The following GBP1 variants were observed in gnomAD, a reference collection of about 807,000 sequenced individuals.
GBP1 encodes the protein guanylate binding protein 1.
GBP1 carries 64 observed loss-of-function variants against 69.5 expected under a neutral mutation model. That is an observed-to-expected ratio of 0.92 (90% CI 0.75 to 1.13). GBP1 has a LOEUF of 1.13. Among genes scored for constraint, GBP1 ranks in the 50% most tolerant of loss-of-function variants. The pLI is 0.00. For synonymous variants in GBP1, 250 were observed against 261.2 expected, an observed-to-expected ratio of 0.96 and a Z score of 0.41; for missense variants, 630 against 704.1, an observed-to-expected ratio of 0.89 and a Z score of 1.19.
In GBP1 at chr1:89,054,781, C is replaced by T. The variant is rs750140182; in HGVS notation, c.1566G>A (p.Arg522=). The change falls in exon 10 of 11, where the codon AGG becomes AGA. Residue 522 remains arginine, a synonymous_variant. Transcript: ENST00000370473. ...GTTGTTTCAAGTGTTCCTGATAACT[C>T]CTCTCCTTCTGTTCCATCATCTGCT... is the stretch of plus-strand genomic sequence containing the variant. ...KNEQMMEQKE[R]SYQEHLKQLT... The T allele has an allele frequency of 1.2e-6, 2 of 1,614,206 alleles. No individual in the cohort carries two copies. The highest frequency in any genetic ancestry group is 2.2e-5 in the East Asian group (1 of 44,884).
At chr1:89,054,076 T>C (rs1348446605) in intron 10 of GBP1, among the ~76,000 whole-genome samples, 1 of 152,252 alleles carries the variant, frequency 6.6e-6, no homozygotes, top group Non-Finnish European at 1.5e-5. Flanking sequence ...AAGGATATAG[T>C]TCTTGCTACA....
At position 89,054,773 on chromosome 1, in the gene GBP1, T is replaced by C; in HGVS notation, c.1574A>G (p.Gln525Arg). Residue 525 changes from glutamine to arginine, a missense_variant, in exon 10 of 11, where the codon CAG (glutamine) becomes CGG (arginine). By Grantham distance (43) the Gln-to-Arg change is conservative (BLOSUM62 1). Transcript: ENST00000370473. ...CTCAGTCAGTTGTTTCAAGTGTTCC[T>C]GATAACTCCTCTCCTTCTGTTCCAT... ...QMMEQKERSY[Q>R]EHLKQLTEKM... is the part of the protein sequence containing the mutation. The C allele has an allele frequency of 2.5e-6, 4 of 1,614,254 alleles. No homozygotes were observed. In the South Asian group the frequency reaches 4.4e-5, roughly 18 times the overall value.
Position 89,059,298 on chromosome 1 carries a change from C to G in GBP1, c.428+19G>C. 1 of 1,613,960 alleles carries G rather than the reference C, an allele frequency of 6.2e-7. No homozygotes were observed. On this transcript the variant is annotated intron_variant, in intron 4 of 10. Transcript: ENST00000370473. Reference sequence around the variant, plus strand: ...TGTCCCCTCTGACCTTGGTGCTGTTCTGGGTCACAAAAGGATACTACAGTT... The same window carrying G: ...TGTCCCCTCTGACCTTGGTGCTGTTGTGGGTCACAAAAGGATACTACAGTT...
In GBP1 at chr1:89,064,832, T is replaced by C. The variant is rs182786256; in HGVS notation, c.-20+328A>G. Among the ~76,000 whole-genome samples, 279 of 152,322 alleles carry C rather than the reference T, an allele frequency of 1.8e-3. 1 individual carries two copies. The highest frequency in any genetic ancestry group is 6.8e-3 in the Middle Eastern group (2 of 294). On this transcript the variant is annotated intron_variant, in intron 1 of 10. Coordinates refer to ENST00000370473, the MANE Select transcript of GBP1 (RefSeq NM_002053.3). ...AATGTAATCATATCCCTAGTCAACA[T>C]AGATAATGTCAACAAAGAGAAAGAC... is the stretch of plus-strand genomic sequence containing the variant.
intron 3 of GBP1, among the ~76,000 whole-genome samples, chr1:89,059,933 A>G (rs1680141199): frequency 6.6e-6 from 1 of 152,236 alleles, no homozygotes; most frequent in African/African-American, 2.4e-5. Flanking sequence ...CTGAGGCGAA[A>G]ATAAGTCAAT....
At chr1:89,057,882 A>G in intron 6 of GBP1, 110 bp downstream of exon 6, 1 of 1,186,404 alleles carries the variant, frequency 8.4e-7, no homozygotes, top group Non-Finnish European at 1.2e-6. Flanking sequence ...CTAGAATTTA[A>G]CACAAATATA....
rs376676431 is a variant in GBP1, at chr1:89,053,506, A to G, written c.1666-38T>C. ...AAACGAAGGCTGAGTAAAGTGTAGC[A>G]TCAGGCAAATTGAAACATTCTATCT... is the stretch of plus-strand genomic sequence containing the variant. On this transcript the variant is annotated intron_variant, in intron 10 of 10. Coordinates refer to ENST00000370473, the MANE Select transcript of GBP1 (RefSeq NM_002053.3). 40 of 1,589,744 alleles carry G rather than the reference A, an allele frequency of 2.5e-5. 2 individuals carry two copies. Among genetic ancestry groups the G allele is most frequent in the African/African-American group, 4.1e-5 (3 of 73,508 alleles).
rs374475528 is a variant in GBP1 at position 89,058,042 on chromosome 1, C to T, written c.824G>A (p.Ser275Asn). ...QVADFCSYIF[S>N]NSKTKTLSGG... ...TGAAAGAGTTTTAGTTTTGGAATTA[C>T]TAAAGATGTAGGAACAGAAGTCTGC... The change falls in exon 6 of 11, where the codon AGT becomes AAT. Residue 275 changes from serine to asparagine, a missense_variant. Ser to Asn is a conservative substitution (Grantham distance 46). Around this residue, in one of 5 missense-constraint regions of GBP1, gnomAD observed 367 missense variants for 369.5 expected, o/e 0.99. Transcript: ENST00000370473. 1.2e-6 allele frequency: 2 copies of T among 1,614,026 alleles called. No individual in the cohort carries two copies. Among genetic ancestry groups the T allele is most frequent in the Admixed American group, 3.3e-5 (2 of 60,020 alleles).
intron 2 of GBP1, 148 bp from the exon 3 acceptor site, chr1:89,060,472 A>G (rs550661021): frequency 1.7e-6 from 1 of 573,514 alleles, no homozygotes; most frequent in African/African-American, 1.9e-5. Context: ...AAGAAATAGG[A>G]AATTTGAATA....
intron 7 of GBP1, among the ~76,000 whole-genome samples, chr1:89,056,463 C>T (rs1480720060): frequency 2.0e-5 from 3 of 152,080 alleles, no homozygotes; most frequent in Admixed American, 2.0e-4. Context: ...TAGAGGAAAA[C>T]TCTGTTTTTG....
chr1:89,061,428 C>G (rs1680194780), intron 2 of GBP1, among the ~76,000 whole-genome samples: 1 of 152,080 alleles, frequency 6.6e-6, no homozygotes, highest in Non-Finnish European at 1.5e-5. Context: ...AGGAGAGTCT[C>G]TTTAACAAAT....
chr1:89,057,861 A>G, intron 6 of GBP1, 131 bp downstream of exon 6: 1 of 1,043,970 alleles, frequency 9.6e-7, no homozygotes, highest in Non-Finnish European at 1.4e-6. Flanking sequence ...TGTTAGAAAC[A>G]TTGGTGCCAT....
At chr1:89,053,809 C>T (rs1484272986) in intron 10 of GBP1, among the ~76,000 whole-genome samples, 7 of 152,178 alleles carry the variant, frequency 4.6e-5, no homozygotes, top group African/African-American at 1.4e-4. Flanking sequence ...AGTTTCTGCA[C>T]ATAGCTCACA....
intron 2 of GBP1, among the ~76,000 whole-genome samples, chr1:89,061,212 A>AT (rs1299444568): frequency 2.0e-5 from 3 of 152,160 alleles, no homozygotes; most frequent in Non-Finnish European, 4.4e-5. Flanking sequence ...ATTTCCAGAG[A>AT]TCCCCTAATT....
Position 89,057,989 on chromosome 1 carries a change from T to A in GBP1, c.874+3A>T, listed in dbSNP as rs1680086497. ...GAGCAGAAGTACTAGGAAGGGGACT[T>A]ACGAGGCCCGTTGACCTGGATGCCT... On this transcript the variant is annotated splice_donor_region_variant and intron_variant, in intron 6 of 10. Transcript: ENST00000370473. 6.2e-7 allele frequency: 1 copy of A among 1,609,824 alleles called. No homozygotes were observed. Among genetic ancestry groups the A allele is most frequent in the Non-Finnish European group, 8.5e-7 (1 of 1,177,772 alleles).
At chr1:89,059,245 A>G (rs1680120363) in intron 4 of GBP1, 72 bp downstream of exon 4, 8 of 1,613,866 alleles carry the variant, frequency 5.0e-6, no homozygotes, top group Non-Finnish European at 6.8e-6. Context: ...CAGGATTCAC[A>G]GTCAGGCAGC....
intron 2 of GBP1, 99 bp from the exon 3 acceptor site, chr1:89,060,423 G>T: frequency 9.1e-7 from 1 of 1,101,730 alleles, no homozygotes; most frequent in East Asian, 2.9e-5. Context: ...AGAGAGAACT[G>T]AAACAACAAT....
At chr1:89,059,986 A>G (rs1219221858) in intron 3 of GBP1, among the ~76,000 whole-genome samples, 2 of 152,264 alleles carry the variant, frequency 1.3e-5, no homozygotes, top group African/African-American at 4.8e-5. Context: ...AAATTTAAAT[A>G]CAAAGTCACA....
intron 1 of GBP1, among the ~76,000 whole-genome samples, chr1:89,064,036 C>A (rs371405626): frequency 4.6e-5 from 7 of 152,000 alleles, no homozygotes; most frequent in Non-Finnish European, 8.8e-5. Context: ...GATCAAGAGG[C>A]AGATAAAGAG....
Sources: gnomAD v4.1 joint callset for allele counts (sites outside exome capture counted in the v4.1 genomes callset) on GRCh38, gnomAD v4.1.1 for gene constraint, gnomAD v4.1.1 regional missense constraint, MANE v1.5 for transcripts, NCBI Gene and HGNC (gene_info 2026-07-23, HGNC 2026-07-21) for gene names.